PINX1: variants seen among roughly 807,000 people sequenced by gnomAD.
The protein encoded by PINX1 is PIN2/TERF1-interacting telomerase inhibitor 1.
PINX1 carries 34 observed loss-of-function variants against 25.4 expected under a neutral mutation model. The ratio of observed to expected loss-of-function variants is 1.34; its 90% CI spans 1.02 to 1.78. The LOEUF is 1.78. Ranked by LOEUF, PINX1 falls within the 40% of genes most tolerant of loss-of-function variation. The probability of loss-of-function intolerance (pLI) is 0.00; values close to 1 mark genes in which losing one functional copy is unlikely to be tolerated. For missense variants in PINX1, 592 were observed against 404.9 expected, an observed-to-expected ratio of 1.46 and a Z score of -3.97; for synonymous variants, 197 against 147.7, an observed-to-expected ratio of 1.33 and a Z score of -2.42.
chr8:10,811,765 G>A (rs1413735133), intron 6 of PINX1, among the ~76,000 whole-genome samples: 7 of 152,172 alleles, frequency 4.6e-5, no homozygotes, highest in African/African-American at 1.7e-4. Flanking sequence ...GCTCGGGGCA[G>A]CTGGACTATT....
At chr8:10,822,133 C>A (rs1797897350) in intron 5 of PINX1, 1 of 152,038 alleles carries the variant, frequency 6.6e-6, no homozygotes, top group African/African-American at 2.4e-5. Flanking sequence ...ATCTGGAAAA[C>A]AAGAACACAG....
chr8:10,821,586 C>G (rs73208788), intron 5 of PINX1, among the ~76,000 whole-genome samples: 22,644 of 152,120 alleles, frequency 0.15, 2,016 homozygotes, highest in Non-Finnish European at 0.2. Context: ...ACCACAGATA[C>G]GGCAGAAAAT....
chr8:10,784,193 C>G (rs758628700), intron 6 of PINX1, among the ~76,000 whole-genome samples: 2 of 152,182 alleles, frequency 1.3e-5, no homozygotes, highest in Non-Finnish European at 2.9e-5. Context: ...AGGGAGGACA[C>G]AGGGGATGAG....
At chr8:10,817,550 G>C (rs903155022) in intron 6 of PINX1, among the ~76,000 whole-genome samples, 2 of 152,198 alleles carry the variant, frequency 1.3e-5, no homozygotes, top group Non-Finnish European at 2.9e-5. Context: ...TTTATAGAAA[G>C]ATACTCTGTT....
chr8:10,835,499 A>T (rs915634978), intron 1 of PINX1, among the ~76,000 whole-genome samples: 2 of 152,218 alleles, frequency 1.3e-5, no homozygotes, highest in Non-Finnish European at 2.9e-5. Flanking sequence ...ACCTACAGAT[A>T]ATAACAATCC....
At chr8:10,795,037 T>A (rs199921320) in intron 6 of PINX1, among the ~76,000 whole-genome samples, 1 of 152,148 alleles carries the variant, frequency 6.6e-6, no homozygotes, top group Non-Finnish European at 1.5e-5. Context: ...AGGACAAATA[T>A]TATACTCATC....
intron 6 of PINX1, among the ~76,000 whole-genome samples, chr8:10,796,734 T>TA (rs904931046): frequency 1.7e-3 from 239 of 143,684 alleles, no homozygotes; most frequent in South Asian, 3.8e-3. Context: ...TAAGAGCTGT[T>TA]AAAAAAAAAA....
intron 3 of PINX1, 76 bp from the exon 4 acceptor site, chr8:10,831,819 T>C: frequency 1.2e-6 from 1 of 810,130 alleles, no homozygotes; most frequent in Non-Finnish European, 2.1e-6. Flanking sequence ...CATTTTGGAA[T>C]CAAGGAAATC....
intron 6 of PINX1, among the ~76,000 whole-genome samples, chr8:10,796,697 C>G (rs950337262): frequency 1.3e-5 from 2 of 151,504 alleles, no homozygotes; most frequent in Non-Finnish European, 2.9e-5. Context: ...CCCTTAGTAA[C>G]CTTGTGTAGC....
intron 5 of PINX1, among the ~76,000 whole-genome samples, chr8:10,823,434 C>G (rs1797936517): frequency 6.6e-6 from 1 of 152,066 alleles, no homozygotes; most frequent in African/African-American, 2.4e-5. Flanking sequence ...ACCATCCAGT[C>G]AGAAAACCTC....
intron 4 of PINX1, 66 bp downstream of exon 4, chr8:10,831,599 A>G: frequency 2.0e-6 from 2 of 1,002,774 alleles, no homozygotes; most frequent in South Asian, 2.7e-5. Context: ...AAAAATAATA[A>G]AAGCAAAAAA....
At chr8:10,831,608 AAC>A in intron 4 of PINX1, 55 bp downstream of exon 4, 1 of 1,116,062 alleles carries the variant, frequency 9.0e-7, no homozygotes, top group Non-Finnish European at 1.3e-6. Flanking sequence ...AAAAGCAAAA[AAC>A]AAAAAGTAGA....
At chr8:10,785,071 G>A (rs1801704645) in intron 6 of PINX1, among the ~76,000 whole-genome samples, 1 of 151,554 alleles carries the variant, frequency 6.6e-6, no homozygotes, top group South Asian at 2.1e-4. Context: ...TCTTACCAAG[G>A]AAAAAAACTT....
chr8:10,811,536 C>T (rs1329892704), intron 6 of PINX1, among the ~76,000 whole-genome samples: 1 of 152,198 alleles, frequency 6.6e-6, no homozygotes, highest in Non-Finnish European at 1.5e-5. Context: ...TCCCTGTTCA[C>T]CCTATTTCTG....
chr8:10,808,084 T>C (rs752451093), intron 6 of PINX1, among the ~76,000 whole-genome samples: 5 of 152,204 alleles, frequency 3.3e-5, no homozygotes, highest in African/African-American at 1.2e-4. Context: ...TTACAGGAAA[T>C]GTTATTATTG....
intron 6 of PINX1, among the ~76,000 whole-genome samples, chr8:10,793,029 G>A (rs1255121572): frequency 1.3e-5 from 2 of 152,084 alleles, no homozygotes; most frequent in African/African-American, 2.4e-5. Flanking sequence ...CCAAATGAAC[G>A]TGTTTCCCGG....
rs750352321 is a variant in PINX1, at chr8:10,820,237, G to C, written c.427C>G (p.Leu143Val). 1.2e-6 allele frequency: 2 copies of C among 1,612,844 alleles called. No homozygotes were observed. The highest frequency in any genetic ancestry group is 1.7e-6 in the Non-Finnish European group (2 of 1,178,984). ...KDLSSRSKTD[L>V]DCIFGKRQSK... is the part of the protein sequence containing the mutation. ...TGTCTTTTCCCAAAAATGCAGTCAA[G>C]ATCTGTTTTGCTCCGAGATGACAGA... Residue 143 changes from leucine (L) to valine (V), a missense_variant, in exon 6 of 7, where the codon CTT (leucine) becomes GTT (valine). Leu to Val is a conservative substitution (Grantham distance 32). Transcript: ENST00000314787.
intron 4 of PINX1, among the ~76,000 whole-genome samples, chr8:10,828,214 C>T (rs974935159): frequency 3.9e-5 from 6 of 152,186 alleles, no homozygotes; most frequent in African/African-American, 1.4e-4. Flanking sequence ...TTCCCAGGGA[C>T]ACCTTGGATT....
At chr8:10,787,554 T>C (rs187060198) in intron 6 of PINX1, 74 of 217,178 alleles carry the variant, frequency 3.4e-4, no homozygotes, top group Non-Finnish European at 9.3e-5. Flanking sequence ...CATTAGTATT[T>C]TGAAAGAGTT....
Sources: allele counts gnomAD v4.1 joint callset (sites outside exome capture counted in the v4.1 genomes callset), GRCh38; gene constraint gnomAD v4.1.1; transcripts MANE v1.5; gene names NCBI Gene and HGNC (gene_info 2026-07-23, HGNC 2026-07-21).